The following GRAP2 variants were observed in gnomAD, a reference collection of about 807,000 sequenced individuals.
The protein encoded by GRAP2 is GRB2 related adaptor protein 2, also known as GRB2-related adapter protein 2.
Under a neutral mutation model 43.5 loss-of-function variants are expected in GRAP2, and 31 were observed. The observed-to-expected ratio is 0.71, with a 90% CI of 0.54 to 0.96. The LOEUF is 0.96. Ranked by LOEUF, GRAP2 falls within the 40% of genes least tolerant of loss-of-function variation. The pLI, the probability that GRAP2 is intolerant of heterozygous loss-of-function variation, is 0.00. For missense variants in GRAP2, 371 were observed against 424.4 expected, an observed-to-expected ratio of 0.87 and a Z score of 1.11; for synonymous variants, 156 against 164.8, an observed-to-expected ratio of 0.95 and a Z score of 0.41.
At position 39,955,881 on chromosome 22, in the gene GRAP2, C is replaced by T. The variant is rs1456325805; in HGVS notation, c.141C>T (p.Pro47=). ...TTGGGAGCCAGGAAGGATATGTGCCCAAGAATTTCATAGACATCCAGTTTC... is the reference window on the plus strand; with the variant it reads ...TTGGGAGCCAGGAAGGATATGTGCCTAAGAATTTCATAGACATCCAGTTTC... ...AELGSQEGYV[P]KNFIDIQFPK... Residue 47 remains proline, a synonymous_variant, in exon 3 of 8, where the codon CCC becomes CCT. Coordinates refer to ENST00000344138, the MANE Select transcript of GRAP2 (RefSeq NM_004810.4). 6.4e-7 allele frequency: 1 copy of T among 1,574,150 alleles called. No homozygotes were observed. Among genetic ancestry groups the T allele is most frequent in the East Asian group, 2.2e-5 (1 of 44,666 alleles).
At chr22:39,913,507 G>T (rs916383576) in intron 1 of GRAP2, among the ~76,000 whole-genome samples, 1 of 152,306 alleles carries the variant, frequency 6.6e-6, no homozygotes, top group East Asian at 1.9e-4. Context: ...GACCGATGCT[G>T]AGTCAGCCAA....
At chr22:39,962,192 T>C (rs1156815765) in intron 4 of GRAP2, among the ~76,000 whole-genome samples, 1 of 151,938 alleles carries the variant, frequency 6.6e-6, no homozygotes. Flanking sequence ...GGAGGCTGAG[T>C]TGGGAGGAAT....
intron 1 of GRAP2, among the ~76,000 whole-genome samples, chr22:39,906,459 G>C (rs2066523900): frequency 6.6e-6 from 1 of 152,038 alleles, no homozygotes; most frequent in South Asian, 2.1e-4. Context: ...AAAAGGGTTC[G>C]ACTGCTGAGT....
At position 39,973,540 on chromosome 22, in the gene GRAP2, A is replaced by T. The variant is rs186489864; in HGVS notation, c.*2456A>T. The T allele has an allele frequency of 5.3e-5, 8 of 152,352 alleles. No homozygotes were observed. In the East Asian group the frequency reaches 1.5e-3, roughly 29 times the overall value. 9.4% of individuals were successfully genotyped at this position (152,352 alleles called of 1,614,324 possible). A position where few individuals can be genotyped will look rare whatever the true frequency, so the allele number is the denominator to read the frequency against. On this transcript the variant is annotated 3_prime_UTR_variant, in exon 8 of 8. Transcript: ENST00000344138. ...GTATTTTGTACTGAGATGCCAAAGC[A>T]TCTTTCCCTTGCTCATCAGCCTCCA...
At chr22:39,964,229 C>T in intron 4 of GRAP2, 1 of 578,448 alleles carries the variant, frequency 1.7e-6, no homozygotes, top group Non-Finnish European at 3.0e-6. Context: ...GCTCAGCCCA[C>T]CCTTCCTAGA....
rs2067191505 is a variant in GRAP2 at position 39,967,942 on chromosome 22, G to A, written c.460-100G>A. Reference sequence around the variant, plus strand: ...CCCACCCCACCAGCTATTTCTTGGAGCCAGATGAGCAGGGTCTGGGAACAA... The same window carrying A: ...CCCACCCCACCAGCTATTTCTTGGAACCAGATGAGCAGGGTCTGGGAACAA... On this transcript the variant is annotated intron_variant, in intron 5 of 7. Transcript: ENST00000344138. 6.9e-6 allele frequency: 10 copies of A among 1,445,056 alleles called. No individual in the cohort carries two copies. The South Asian group carries it at 1.5e-4, about 21-fold the overall frequency. The allele number at this position is 1,445,056 out of a possible 1,614,324, so 89.5% of individuals were successfully genotyped here.
At chr22:39,925,044 T>A (rs1206317316) in intron 1 of GRAP2, among the ~76,000 whole-genome samples, 2 of 151,990 alleles carry the variant, frequency 1.3e-5, no homozygotes, top group African/African-American at 4.8e-5. Context: ...AAAGCTCAGG[T>A]GGGGGTTACG....
Position 39,960,081 on chromosome 22 carries a change from A to G in GRAP2, c.197A>G (p.His66Arg). 1 of 1,613,018 alleles carries G rather than the reference A, an allele frequency of 6.2e-7. No individual in the cohort carries two copies. The highest frequency in any genetic ancestry group is 8.5e-7 in the Non-Finnish European group (1 of 1,179,004). Residue 66 changes from histidine (H) to arginine (R), a missense_variant, in exon 4 of 8, where the codon CAC becomes CGC. Physicochemically the swap from His to Arg is conservative, Grantham distance 29 (BLOSUM62 0). Transcript: ENST00000344138. ...TGGTTTCACGAAGGCCTCTCTCGAC[A>G]CCAGGCAGAGAACTTACTCATGGGC... ...PKWFHEGLSR[H>R]QAENLLMGKE...
chr22:39,973,215 G>A lies in GRAP2; in HGVS notation c.*2131G>A, dbSNP rs2067262894. On this transcript the variant is annotated 3_prime_UTR_variant, in exon 8 of 8. Transcript: ENST00000344138. ...TTAAACAGCCCACAAACTCCATCCA[G>A]TTGTCTGATGATGTGGGAGGACCAG... 6.6e-6 allele frequency: 1 copy of A among 152,294 alleles called. No homozygotes were observed. Among genetic ancestry groups the A allele is most frequent in the Non-Finnish European group, 1.5e-5 (1 of 68,056 alleles). 9.4% of individuals were successfully genotyped at this position (152,294 alleles called of 1,614,324 possible).
chr22:39,939,332 G>GTGGA (rs1303880055), intron 1 of GRAP2, among the ~76,000 whole-genome samples: 2 of 152,180 alleles, frequency 1.3e-5, no homozygotes, highest in African/African-American at 4.8e-5. Flanking sequence ...GGAGGCCGAG[G>GTGGA]CAGGCAGATC....
chr22:39,949,800 C>G (rs1393289994), intron 2 of GRAP2, among the ~76,000 whole-genome samples: 1 of 152,202 alleles, frequency 6.6e-6, no homozygotes. Context: ...TCGGGATCAT[C>G]CATCCCCGCT....
At chr22:39,943,980 C>T (rs1284579287) in intron 1 of GRAP2, among the ~76,000 whole-genome samples, 1 of 152,138 alleles carries the variant, frequency 6.6e-6, no homozygotes, top group Non-Finnish European at 1.5e-5. Context: ...CCTGGGATTA[C>T]AGGCGTGAGC....
At chr22:39,900,355 T>G (rs1056580613), upstream of GRAP2, among the ~76,000 whole-genome samples, 42 of 152,320 alleles carry the variant, frequency 2.8e-4, no homozygotes, top group African/African-American at 9.4e-4. Flanking sequence ...CTCTGAATGG[T>G]GCCACTTAGC....
upstream of GRAP2, among the ~76,000 whole-genome samples, chr22:39,897,845 CTTCTT>C (rs1456487933): frequency 6.6e-6 from 1 of 152,084 alleles, no homozygotes; most frequent in African/African-American, 2.4e-5. Flanking sequence ...ACTGGTCTCT[CTTCTT>C]CTGTTCTTGC....
At chr22:39,907,986 C>A (rs1465185762) in intron 1 of GRAP2, among the ~76,000 whole-genome samples, 1 of 152,194 alleles carries the variant, frequency 6.6e-6, no homozygotes, top group Non-Finnish European at 1.5e-5. Context: ...TCTGGAGATG[C>A]AGGAGCCCTC....
chr22:39,970,958 G>A lies in GRAP2; in HGVS notation c.867G>A (p.Glu289=). 1 of 1,613,576 alleles carries A rather than the reference G, an allele frequency of 6.2e-7. No homozygotes were observed. ...LYDFEALEDD[E]LGFHSGEVVE... is the part of the protein sequence containing the mutation. ...ACTTTGAGGCCCTGGAGGATGACGA[G>A]CTGGGGTTCCACAGCGGGGAGGTGG... is the stretch of plus-strand genomic sequence containing the variant. The change falls in exon 8 of 8, where the codon GAG becomes GAA. Residue 289 remains glutamate (E), a synonymous_variant. Transcript: ENST00000344138.
At chr22:39,970,137 A>G (rs1319712929) in intron 7 of GRAP2, among the ~76,000 whole-genome samples, 1 of 151,892 alleles carries the variant, frequency 6.6e-6, no homozygotes, top group Non-Finnish European at 1.5e-5. Flanking sequence ...GTTTTTTGAG[A>G]CAGGGTCTCA....
chr22:39,927,814 G>A (rs1330529200), intron 1 of GRAP2, among the ~76,000 whole-genome samples: 1 of 152,226 alleles, frequency 6.6e-6, no homozygotes, highest in Non-Finnish European at 1.5e-5. Context: ...AACAGGGTAA[G>A]GGGACCCTGT....
intron 1 of GRAP2, among the ~76,000 whole-genome samples, chr22:39,943,927 G>T (rs2066895518): frequency 6.6e-6 from 1 of 152,078 alleles, no homozygotes; most frequent in African/African-American, 2.4e-5. Context: ...CACCATGTTG[G>T]CCAGGATGGT....
Sources: gnomAD v4.1 joint callset for allele counts (sites outside exome capture counted in the v4.1 genomes callset) on GRCh38, gnomAD v4.1.1 for gene constraint, MANE v1.5 for transcripts, NCBI Gene and HGNC (gene_info 2026-07-23, HGNC 2026-07-21) for gene names.